Variants in ARHGAP39 observed in about 807,000 individuals in gnomAD.
ARHGAP39 encodes rho GTPase-activating protein 39.
A neutral mutation model predicts 106.9 loss-of-function variants in ARHGAP39; 44 were observed. That is an observed-to-expected ratio of 0.41 (90% confidence interval 0.32 to 0.53). The LOEUF is 0.53. ARHGAP39 is among the 20% of genes least tolerant of loss of function. The pLI is 0.21. For synonymous variants in ARHGAP39, 768 were observed against 693.2 expected (o/e 1.11, Z -1.69); for missense variants, 1,496 against 1,577.3 (o/e 0.95, Z 0.87).
At chr8:144,659,261 C>T (rs1038571124) in intron 1 of ARHGAP39, among the ~76,000 whole-genome samples, 1 of 152,202 alleles carries the variant, frequency 6.6e-6, no homozygotes, top group Non-Finnish European at 1.5e-5. Flanking sequence ...AGCCATTAGC[C>T]TACCACCAGC....
chr8:144,631,627 C>A (rs1055634573), intron 1 of ARHGAP39, among the ~76,000 whole-genome samples: 4 of 152,188 alleles, frequency 2.6e-5, no homozygotes, highest in African/African-American at 9.7e-5. Context: ...GTGGATGGGG[C>A]CAAGTCAGTG....
chr8:144,619,178 C>T (rs1586618787), intron 1 of ARHGAP39, among the ~76,000 whole-genome samples: 2 of 152,212 alleles, frequency 1.3e-5, no homozygotes, highest in African/African-American at 2.4e-5. Flanking sequence ...CAACGTCCCA[C>T]GCCGAATCTG....
At chr8:144,643,395 G>A (rs142790040) in intron 1 of ARHGAP39, among the ~76,000 whole-genome samples, 1,548 of 152,316 alleles carry the variant, frequency 0.01, 16 homozygotes, top group Middle Eastern at 0.031. Context: ...AGAGGTTGCA[G>A]TGAGCTGTGA....
intron 4 of ARHGAP39, among the ~76,000 whole-genome samples, chr8:144,554,839 C>T (rs891248131): frequency 1.3e-5 from 2 of 152,262 alleles, no homozygotes; most frequent in African/African-American, 2.4e-5. Flanking sequence ...GTTACCACTT[C>T]CAAGCTCCAG....
At chr8:144,662,746 A>C (rs1216602751) in intron 1 of ARHGAP39, among the ~76,000 whole-genome samples, 3 of 120,612 alleles carry the variant, frequency 2.5e-5, no homozygotes, top group East Asian at 2.7e-4. Context: ...CACCTTGGCC[A>C]GCTCCCTCCT....
intron 1 of ARHGAP39, among the ~76,000 whole-genome samples, chr8:144,615,783 A>G (rs1198880431): frequency 1.3e-5 from 2 of 152,256 alleles, no homozygotes; most frequent in African/African-American, 4.8e-5. Context: ...AGCTGGAGAC[A>G]CAAGGCCCCA....
chr8:144,545,959 G>A, intron 5 of ARHGAP39, 149 bp from the exon 6 acceptor site: 1 of 663,764 alleles, frequency 1.5e-6, no homozygotes, highest in East Asian at 2.8e-5. Context: ...AAAGCTGTCT[G>A]AGGTGGGAGG....
intron 3 of ARHGAP39, among the ~76,000 whole-genome samples, chr8:144,559,354 CAAAAAAAAAAAA>C (rs59435627): frequency 1.6e-4 from 7 of 42,896 alleles, no homozygotes; most frequent in East Asian, 7.7e-4. Context: ...ACTTTGTCTC[CAAAAAAAAAAAA>C]AAAAAAAAAA....
At chr8:144,623,566 G>A (rs1332953884) in intron 1 of ARHGAP39, among the ~76,000 whole-genome samples, 4 of 152,348 alleles carry the variant, frequency 2.6e-5, no homozygotes, top group South Asian at 2.1e-4. Flanking sequence ...AGGCGGCCTC[G>A]CGGCACAGAC....
At chr8:144,693,412 C>T in the ARHGAP39 span, among the ~76,000 whole-genome samples, 294 of 149,836 alleles carry the variant, frequency 2.0e-3, 1 homozygote, top group African/African-American at 6.8e-3. Flanking sequence ...CTTGCTCTGT[C>T]GCCCAGGCTG....
At chr8:144,664,630 C>T (rs541586820) in intron 1 of ARHGAP39, among the ~76,000 whole-genome samples, 10 of 152,286 alleles carry the variant, frequency 6.6e-5, no homozygotes, top group East Asian at 5.8e-4. Flanking sequence ...AATTGAATCA[C>T]GGGGGCTGGT....
chr8:144,547,612 G>A lies in ARHGAP39; in HGVS notation c.1474C>T (p.Arg492Cys), dbSNP rs138981423. 13 of 1,489,546 alleles carry A rather than the reference G, an allele frequency of 8.7e-6. No individual in the cohort carries two copies. Among genetic ancestry groups the A allele is most frequent in the African/African-American group, 1.4e-5 (1 of 71,948 alleles). The allele number at this position is 1,489,546 out of a possible 1,614,324, so 92.3% of individuals were successfully genotyped here. A position where few individuals can be genotyped will look rare whatever the true frequency, so the allele number is the denominator to read the frequency against. ...LSSTGYSPGT[R>C]KRKSRKPSLC... ...GAGGGCTTTCTGCTCTTCCGCTTGC[G>A]CGTGCCCGGGGAGTAGCCTGTGGAG... Residue 492 changes from arginine (R) to cysteine (C), a missense_variant, in exon 5 of 12, where the codon CGC becomes TGC. Arg to Cys is a radical substitution (Grantham distance 180, BLOSUM62 -3). Around this residue, in one of 4 missense-constraint regions of ARHGAP39, gnomAD observed 905 missense variants for 816.4 expected, o/e 1.11. Coordinates refer to ENST00000377307, the MANE Select transcript of ARHGAP39 (RefSeq NM_025251.3). This position sits in a 1 kb window ranked among gnomAD's most constrained non-coding sequence, Gnocchi z 5.2.
At chr8:144,601,122 G>A (rs1325347924) in intron 2 of ARHGAP39, among the ~76,000 whole-genome samples, 1 of 148,834 alleles carries the variant, frequency 6.7e-6, no homozygotes, top group Non-Finnish European at 1.5e-5. Flanking sequence ...GTACCTGTGT[G>A]TGCATGGAGG....
At chr8:144,599,894 G>T (rs898348226) in intron 2 of ARHGAP39, among the ~76,000 whole-genome samples, 1 of 152,178 alleles carries the variant, frequency 6.6e-6, no homozygotes, top group Non-Finnish European at 1.5e-5. Flanking sequence ...ATTATCAGAT[G>T]AGCAAGTGAG....
intron 1 of ARHGAP39, among the ~76,000 whole-genome samples, chr8:144,656,669 G>A (rs2976596): frequency 0.022 from 3,392 of 151,896 alleles, 58 homozygotes; most frequent in Non-Finnish European, 0.037. Context: ...TTAGTCAGGC[G>A]TGGTGGCACA....
At chr8:144,692,747 T>TG in the ARHGAP39 span, among the ~76,000 whole-genome samples, 1 of 143,746 alleles carries the variant, frequency 7.0e-6, no homozygotes, top group Admixed American at 7.0e-5. Flanking sequence ...ATTGTAAAAT[T>TG]CTTTTTTTTT....
chr8:144,648,894 G>A (rs1821508243), intron 1 of ARHGAP39, among the ~76,000 whole-genome samples: 1 of 151,780 alleles, frequency 6.6e-6, no homozygotes, highest in South Asian at 2.1e-4. Flanking sequence ...GCCCACATCA[G>A]AAAGTTAGAC....
chr8:144,687,892 A>G (rs1195667011), upstream of ARHGAP39, among the ~76,000 whole-genome samples: 1 of 139,210 alleles, frequency 7.2e-6, no homozygotes, highest in Non-Finnish European at 1.5e-5. Flanking sequence ...TACAGTGAAC[A>G]CTTCCCACCC....
chr8:144,684,556 G>C lies in ARHGAP39; in HGVS notation c.-82+1130C>G, dbSNP rs1822527284. 6.6e-6 allele frequency among the ~76,000 whole-genome samples: 1 copy of C among 152,214 alleles called. No individual in the cohort carries two copies. Among genetic ancestry groups the C allele is most frequent in the African/African-American group, 2.4e-5 (1 of 41,458 alleles). On this transcript the variant is annotated intron_variant, in intron 1 of 11. Coordinates refer to ENST00000377307, the MANE Select transcript of ARHGAP39 (RefSeq NM_025251.3). This position sits in a 1 kb window ranked among gnomAD's most constrained non-coding sequence, Gnocchi z 4.4. ...GGGGCCCGGCTGCGTTTCCGAAGCT[G>C]CGCAGCGCCCACAGCAGCTGCTGGT...
Sources: allele counts gnomAD v4.1 joint callset (sites outside exome capture counted in the v4.1 genomes callset), GRCh38; gene constraint gnomAD v4.1.1; regional missense constraint gnomAD v4.1.1; non-coding constraint Gnocchi (gnomAD v3.1); transcripts MANE v1.5; gene names NCBI Gene and HGNC (gene_info 2026-07-23, HGNC 2026-07-21).